Variants in TENM4 observed in about 807,000 individuals in gnomAD.
TENM4 encodes teneurin transmembrane protein 4.
A neutral mutation model predicts 243.3 loss-of-function variants in TENM4; 82 were observed. The ratio of observed to expected loss-of-function variants is 0.34; its 90% confidence interval spans 0.28 to 0.40. The LOEUF is 0.40. Among genes scored for constraint, TENM4 ranks in the 10% least tolerant of loss-of-function variants. The probability of loss-of-function intolerance (pLI) is 1.00; values close to 1 mark genes in which losing one functional copy is unlikely to be tolerated. For synonymous variants in TENM4, 1,412 were observed against 1,456.3 expected, an observed-to-expected ratio of 0.97 and a Z score of 0.69; for missense variants, 3,138 against 3,673.3, an observed-to-expected ratio of 0.85 and a Z score of 3.77.
intron 6 of TENM4, among the ~76,000 whole-genome samples, chr11:79,017,977 G>T (rs901243975): frequency 6.6e-6 from 1 of 152,210 alleles, no homozygotes; most frequent in African/African-American, 2.4e-5. Context: ...GAGAGGAAAG[G>T]TGGTCCTCCC....
intron 24 of TENM4, among the ~76,000 whole-genome samples, 162 bp downstream of exon 24, chr11:78,722,506 G>T (rs1855412661): frequency 6.6e-6 from 1 of 152,196 alleles, no homozygotes. Context: ...GTGCACTGGG[G>T]AAGCAGCACC....
At chr11:79,079,322 C>A (rs1041929058) in intron 4 of TENM4, among the ~76,000 whole-genome samples, 3 of 152,190 alleles carry the variant, frequency 2.0e-5, no homozygotes, top group Non-Finnish European at 4.4e-5. Context: ...CTTCTCTGAT[C>A]CTGAGCTGCG....
chr11:79,169,417 G>C (rs1862989681), intron 3 of TENM4, among the ~76,000 whole-genome samples: 1 of 152,132 alleles, frequency 6.6e-6, no homozygotes, highest in Non-Finnish European at 1.5e-5. Flanking sequence ...TACGCAACCT[G>C]TCTGGGATCT....
At chr11:79,378,841 C>A (rs1025977768) in intron 1 of TENM4, among the ~76,000 whole-genome samples, 71 of 148,182 alleles carry the variant, frequency 4.8e-4, no homozygotes, top group Non-Finnish European at 8.3e-4. Flanking sequence ...TATGATTGCA[C>A]CAATGCACTC....
At chr11:79,344,161 G>A (rs1160621717) in intron 1 of TENM4, among the ~76,000 whole-genome samples, 1 of 152,166 alleles carries the variant, frequency 6.6e-6, no homozygotes. Flanking sequence ...AATATTTGTT[G>A]AATAAATGAA....
intron 6 of TENM4, among the ~76,000 whole-genome samples, chr11:79,017,582 T>C (rs184687774): frequency 6.6e-6 from 1 of 152,196 alleles, no homozygotes. Context: ...ATGTTGGGAA[T>C]GGTGGGGGGA....
chr11:79,259,715 C>T (rs1268716258), intron 2 of TENM4, among the ~76,000 whole-genome samples: 1 of 151,216 alleles, frequency 6.6e-6, no homozygotes. Flanking sequence ...GCACACCCAT[C>T]CATCCATCCC....
At chr11:79,066,342 GA>G (rs1361215399) in intron 5 of TENM4, among the ~76,000 whole-genome samples, 1 of 152,174 alleles carries the variant, frequency 6.6e-6, no homozygotes, top group Non-Finnish European at 1.5e-5. Flanking sequence ...GGCCAGGACT[GA>G]ATAGGACAAG....
intron 2 of TENM4, among the ~76,000 whole-genome samples, chr11:79,291,153 C>T (rs1856349914): frequency 6.6e-6 from 1 of 152,060 alleles, no homozygotes; most frequent in Non-Finnish European, 1.5e-5. Context: ...CCCCACATAG[C>T]CATGTGGATT....
chr11:79,377,848 A>G (rs532575411), intron 1 of TENM4, among the ~76,000 whole-genome samples: 21 of 151,960 alleles, frequency 1.4e-4, no homozygotes, highest in African/African-American at 4.6e-4. Context: ...AAGAAACACA[A>G]GCCAAAAAAC....
intron 3 of TENM4, among the ~76,000 whole-genome samples, chr11:79,193,555 G>T (rs1265269687): frequency 6.6e-6 from 1 of 152,082 alleles, no homozygotes; most frequent in African/African-American, 2.4e-5. Context: ...TCCTTCACCT[G>T]CTGAGTGACG....
intron 9 of TENM4, among the ~76,000 whole-genome samples, chr11:78,879,358 G>A (rs1483201659): frequency 6.6e-6 from 1 of 151,846 alleles, no homozygotes; most frequent in Admixed American, 6.6e-5. Flanking sequence ...CGCCCCGTCT[G>A]AGAGGTGAGG....
At position 78,854,284 on chromosome 11, in the gene TENM4, T is replaced by C; in HGVS notation, c.1501A>G (p.Arg501Gly). 1 of 1,518,922 alleles carries C rather than the reference T, an allele frequency of 6.6e-7. No homozygotes were observed. The highest frequency in any genetic ancestry group is 8.9e-7 in the Non-Finnish European group (1 of 1,129,720). 94.1% of individuals were successfully genotyped at this position (1,518,922 alleles called of 1,614,324 possible). A position where few individuals can be genotyped will look rare whatever the true frequency, so the allele number is the denominator to read the frequency against. Residue 501 changes from arginine (R) to glycine (G), a missense_variant, in exon 12 of 34, where the codon AGG becomes GGG. Coordinates refer to ENST00000278550, the MANE Select transcript of TENM4 (RefSeq NM_001098816.3). ...CTCCGCGCCTCCTGGGTTAGGAGCCTCCTGCCATCCAGCAGCTCCACAAAG... is the reference window on the plus strand; with the variant it reads ...CTCCGCGCCTCCTGGGTTAGGAGCCCCCTGCCATCCAGCAGCTCCACAAAG... ...FDFVELLDGR[R>G]LLTQEARSLE...
chr11:79,274,657 G>A lies in TENM4; in HGVS notation c.-265+22831C>T, dbSNP rs149454092. Among the ~76,000 whole-genome samples, 254 of 152,226 alleles carry A rather than the reference G, an allele frequency of 1.7e-3. 1 individual carries two copies. The highest frequency in any genetic ancestry group is 5.8e-3 in the African/African-American group (239 of 41,548). On this transcript the variant is annotated intron_variant, in intron 2 of 33. Transcript: ENST00000278550. The stretch of plus-strand genomic sequence containing the variant: ...GGGCAGAAGAGAGATTAAAAACCAC[G>A]GAGCTGGCACTTCCAGCTGTGGCAT...
At chr11:78,945,820 A>G (rs1374594899) in intron 6 of TENM4, among the ~76,000 whole-genome samples, 3 of 152,226 alleles carry the variant, frequency 2.0e-5, no homozygotes, top group Non-Finnish European at 4.4e-5. Flanking sequence ...ACCAGCCACA[A>G]CACTCCCTTA....
chr11:79,400,362 G>A (rs1179362296), intron 1 of TENM4, among the ~76,000 whole-genome samples: 2 of 151,186 alleles, frequency 1.3e-5, no homozygotes, highest in Admixed American at 6.6e-5. Context: ...CCCAGACAAT[G>A]CACATACCTG....
At chr11:78,699,533 C>G (rs1231258117) in intron 28 of TENM4, among the ~76,000 whole-genome samples, 2 of 152,164 alleles carry the variant, frequency 1.3e-5, no homozygotes, top group Non-Finnish European at 2.9e-5. Flanking sequence ...AACTAGTTTC[C>G]CTTTCTATTT....
intron 3 of TENM4, among the ~76,000 whole-genome samples, chr11:79,159,485 C>T (rs1467761830): frequency 2.0e-5 from 3 of 152,140 alleles, no homozygotes; most frequent in Non-Finnish European, 4.4e-5. Context: ...TGTTTTCAAG[C>T]TTTTTGTCAT....
intron 12 of TENM4, among the ~76,000 whole-genome samples, chr11:78,847,941 G>A (rs540836): frequency 0.47 from 70,815 of 151,954 alleles, 17,551 homozygotes; most frequent in African/African-American, 0.59. Flanking sequence ...AATCAAAGTA[G>A]GAGAAATAAA....
Sources: allele counts gnomAD v4.1 joint callset (sites outside exome capture counted in the v4.1 genomes callset), GRCh38; gene constraint gnomAD v4.1.1; transcripts MANE v1.5; gene names NCBI Gene and HGNC (gene_info 2026-07-23, HGNC 2026-07-21).